Variants in PCNX2 observed in about 807,000 individuals in gnomAD.
PCNX2 encodes pecanex-like protein 2.
PCNX2 carries 168 observed loss-of-function variants against 223.8 expected under a neutral mutation model. That is an observed-to-expected ratio of 0.75 (90% CI 0.66 to 0.85). The LOEUF is 0.85. Among genes scored for constraint, PCNX2 ranks in the 40% least tolerant of loss-of-function variants. PCNX2 has a pLI of 0.00. For missense variants in PCNX2, 2,507 were observed against 2,675.5 expected (o/e 0.94, Z 1.39); for synonymous variants, 1,006 against 1,052.6 (o/e 0.96, Z 0.86).
chr1:233,205,468 T>C (rs1253725615), intron 13 of PCNX2, among the ~76,000 whole-genome samples: 3 of 152,084 alleles, frequency 2.0e-5, no homozygotes, highest in Admixed American at 6.5e-5. Flanking sequence ...CCAAGGCGGG[T>C]GGATCACCTG....
intron 25 of PCNX2, among the ~76,000 whole-genome samples, chr1:233,026,077 A>C (rs532893525): frequency 5.3e-5 from 8 of 152,338 alleles, no homozygotes; most frequent in Non-Finnish European, 1.5e-5. Flanking sequence ...TTATCAGTTC[A>C]GGTTAAAGAA....
At chr1:233,019,125 T>G (rs574453716) in intron 26 of PCNX2, 12 of 985,374 alleles carry the variant, frequency 1.2e-5, no homozygotes, top group South Asian at 4.7e-5. Flanking sequence ...AGAGACAGTC[T>G]GTGATTTCCA....
intron 17 of PCNX2, among the ~76,000 whole-genome samples, chr1:233,171,812 T>C (rs1679169517): frequency 6.6e-6 from 1 of 152,196 alleles, no homozygotes; most frequent in African/African-American, 2.4e-5. Context: ...GAATTCTGAT[T>C]GGATATATTT....
intron 1 of PCNX2, among the ~76,000 whole-genome samples, chr1:233,283,598 A>G (rs928967839): frequency 6.6e-6 from 1 of 152,220 alleles, no homozygotes; most frequent in Non-Finnish European, 1.5e-5. Context: ...TGAACATCAA[A>G]AAGAATGATG....
At chr1:233,040,757 C>A (rs1671615621) in intron 25 of PCNX2, among the ~76,000 whole-genome samples, 1 of 152,128 alleles carries the variant, frequency 6.6e-6, no homozygotes, top group African/African-American at 2.4e-5. Context: ...CATCCTGGTG[C>A]CCGGTCCAAT....
At chr1:233,208,320 A>C (rs1681606907) in intron 13 of PCNX2, among the ~76,000 whole-genome samples, 198 bp downstream of exon 13, 1 of 152,182 alleles carries the variant, frequency 6.6e-6, no homozygotes, top group South Asian at 2.1e-4. Context: ...AAATATCAAA[A>C]TCCTTTAAAA....
chr1:233,183,087 C>T (rs1173381689), intron 15 of PCNX2, among the ~76,000 whole-genome samples: 7 of 152,160 alleles, frequency 4.6e-5, no homozygotes, highest in Admixed American at 4.6e-4. Flanking sequence ...ATGAAAACGA[C>T]CTGCAATAAG....
chr1:233,311,056 T>G, the PCNX2 span, among the ~76,000 whole-genome samples: 1 of 152,218 alleles, frequency 6.6e-6, no homozygotes, highest in African/African-American at 2.4e-5. Context: ...CAAGTTATGC[T>G]CAGCCTGGGT....
chr1:233,306,130 T>C, the PCNX2 span, among the ~76,000 whole-genome samples: 1 of 152,202 alleles, frequency 6.6e-6, no homozygotes. Flanking sequence ...TCAGACAAAA[T>C]AGACTTTGAT....
At chr1:233,233,547 A>C (rs146095412) in intron 9 of PCNX2, among the ~76,000 whole-genome samples, 1,524 of 151,862 alleles carry the variant, frequency 0.01, 33 homozygotes, top group African/African-American at 0.035. Context: ...CATTCCCTAC[A>C]CACACACTGT....
chr1:233,231,117 AGG>A (rs1304975030), intron 9 of PCNX2, among the ~76,000 whole-genome samples: 6 of 152,290 alleles, frequency 3.9e-5, no homozygotes, highest in Admixed American at 2.0e-4. Context: ...CACTGGCCCA[AGG>A]TCCTAGATTA....
At chr1:233,267,553 G>A (rs78939066) in intron 1 of PCNX2, among the ~76,000 whole-genome samples, 13,273 of 109,518 alleles carry the variant, frequency 0.12, 705 homozygotes, top group South Asian at 0.21. Context: ...GGCAACCACC[G>A]TTCTACTTTC....
At chr1:233,291,543 G>C in intron 1 of PCNX2, 2 of 429,530 alleles carry the variant, frequency 4.7e-6, no homozygotes, top group Non-Finnish European at 6.2e-6. Context: ...GGGAGGTGGA[G>C]GTTGCGGTGA....
chr1:233,057,915 A>G, intron 23 of PCNX2: 1 of 985,276 alleles, frequency 1.0e-6, no homozygotes, highest in Non-Finnish European at 1.2e-6. Context: ...AGAACTTGAG[A>G]ACAGTGTCCA....
chr1:233,011,148 C>T (rs774664296), intron 28 of PCNX2, among the ~76,000 whole-genome samples: 7 of 152,182 alleles, frequency 4.6e-5, no homozygotes, highest in Non-Finnish European at 8.8e-5. Context: ...TGAATATAAT[C>T]ATACTAAAAG....
chr1:233,134,470 G>C (rs1447163419), intron 21 of PCNX2, among the ~76,000 whole-genome samples: 1 of 152,042 alleles, frequency 6.6e-6, no homozygotes, highest in African/African-American at 2.4e-5. Flanking sequence ...CAAACTAAGC[G>C]TATTGGAAAT....
chr1:233,139,892 G>A lies in PCNX2; in HGVS notation c.3518-37C>T, dbSNP rs767064615. ...ATAAAAACCACTTAGAACAACCACCGATCAAAGTATTTTTCTTTAAGTACA... is the reference window on the plus strand; with the variant it reads ...ATAAAAACCACTTAGAACAACCACCAATCAAAGTATTTTTCTTTAAGTACA... On this transcript the variant is annotated intron_variant, in intron 19 of 33. Transcript: ENST00000258229. The surrounding 1 kb of genome is among the most constrained non-coding windows in gnomAD (Gnocchi z 4.4). 7.5e-6 allele frequency: 12 copies of A among 1,592,790 alleles called. No individual in the cohort carries two copies. Among genetic ancestry groups the A allele is most frequent in the African/African-American group, 2.7e-5 (2 of 73,812 alleles).
chr1:233,278,234 AC>A (rs1228880567), intron 1 of PCNX2, among the ~76,000 whole-genome samples: 2 of 152,048 alleles, frequency 1.3e-5, no homozygotes, highest in Admixed American at 6.6e-5. Flanking sequence ...CCTCCCACAC[AC>A]CTATTTTCAA....
In PCNX2 at chr1:232,984,086, G is replaced by A. The variant is rs1474515202; in HGVS notation, c.*218C>T. The A allele has an allele frequency of 7.2e-6, 3 of 416,810 alleles. No individual in the cohort carries two copies. In the South Asian group the frequency reaches 2.1e-4, roughly 29 times the overall value. The allele number at this position is 416,810 out of a possible 1,614,324, so 25.8% of individuals were successfully genotyped here. ...TTTTTTTGTTTCCCCATCATGTGAG[G>A]TTTTTTTGTTGTTGTTGTTTGATTT... On this transcript the variant is annotated 3_prime_UTR_variant, in exon 34 of 34. Transcript: ENST00000258229.
Sources: gnomAD v4.1 joint callset for allele counts (sites outside exome capture counted in the v4.1 genomes callset) on GRCh38, gnomAD v4.1.1 for gene constraint, Gnocchi (gnomAD v3.1) non-coding constraint, MANE v1.5 for transcripts, NCBI Gene and HGNC (gene_info 2026-07-23, HGNC 2026-07-21) for gene names.